Variants in MCTP1 observed in about 807,000 individuals in gnomAD.
MCTP1 encodes the protein multiple C2 and transmembrane domain-containing protein 1.
Under a neutral mutation model 120.6 loss-of-function variants are expected in MCTP1, and 69 were observed. The ratio of observed to expected loss-of-function variants is 0.57; its 90% CI spans 0.47 to 0.70. The LOEUF (loss-of-function observed/expected upper bound fraction) is 0.70. Ranked by LOEUF, MCTP1 falls within the 30% of genes least tolerant of loss-of-function variation. The pLI is 0.00. For missense variants in MCTP1, 1,203 were observed against 1,248.8 expected (o/e 0.96, Z 0.55); for synonymous variants, 529 against 493.1 (o/e 1.07, Z -0.96).
chr5:95,075,472 T>C (rs540704709), intron 1 of MCTP1, among the ~76,000 whole-genome samples: 1 of 152,308 alleles, frequency 6.6e-6, no homozygotes, highest in South Asian at 2.1e-4. Context: ...AATGTAAAAA[T>C]AATCTCTCAC....
chr5:94,751,043 T>C (rs1356468661), intron 19 of MCTP1, among the ~76,000 whole-genome samples: 1 of 152,128 alleles, frequency 6.6e-6, no homozygotes, highest in Non-Finnish European at 1.5e-5. Context: ...AGTCCCCATA[T>C]CTCTCCTATA....
chr5:94,999,438 T>C (rs991708035), intron 2 of MCTP1, among the ~76,000 whole-genome samples: 3 of 152,180 alleles, frequency 2.0e-5, no homozygotes, highest in African/African-American at 7.2e-5. Context: ...TCAAATCTTA[T>C]TAAAAAAATA....
At position 95,284,569 on chromosome 5, in the gene MCTP1, G is replaced by A. The variant is rs749256794; in HGVS notation, c.7C>T (p.Pro3Ser). The A allele has an allele frequency of 7.0e-7, 1 of 1,434,462 alleles. No individual in the cohort carries two copies. Among genetic ancestry groups the A allele is most frequent in the Non-Finnish European group, 9.0e-7 (1 of 1,107,190 alleles). The allele number at this position is 1,434,462 out of a possible 1,614,324, so 88.9% of individuals were successfully genotyped here. A position where few individuals can be genotyped will look rare whatever the true frequency, so the allele number is the denominator to read the frequency against. The change falls in exon 1 of 23, where the codon CCC becomes TCC. Residue 3 changes from proline to serine, a missense_variant. Around this residue, in one of 2 missense-constraint regions of MCTP1, gnomAD observed 463 missense variants for 377.8 expected, o/e 1.23. Coordinates refer to ENST00000515393, the MANE Select transcript of MCTP1 (RefSeq NM_024717.7). This position sits in a 1 kb window ranked among gnomAD's most constrained non-coding sequence, Gnocchi z 5.2. The part of the protein sequence containing the change: ME[P>S]RAAAAGEPEP... ...GGCTCGCCCGCCGCGGCAGCCCGGG[G>A]CTCCATCCTCCACCCCCTGCTCCTC...
chr5:94,980,801 GT>G (rs1312633556), intron 2 of MCTP1: 4 of 151,970 alleles, frequency 2.6e-5, no homozygotes, highest in Non-Finnish European at 5.9e-5. Flanking sequence ...GCAACTAAAA[GT>G]TTTTTTCGTT....
At position 94,934,725 on chromosome 5, in the gene MCTP1, C is replaced by T. The variant is rs912099904; in HGVS notation, c.1174-2734G>A. Among the ~76,000 whole-genome samples the T allele has an allele frequency of 1.7e-4, 22 of 130,214 alleles. 1 individual carries two copies. Among genetic ancestry groups the T allele is most frequent in the African/African-American group, 6.4e-4 (22 of 34,418 alleles). The allele number at this position is 130,214 out of a possible 152,430, so 85.4% of individuals were successfully genotyped here. ...ATTCTGAAGAATATCAAAACTAATC[C>T]AAGATAAAGAAGTTTTTTTTTTTTT... On this transcript the variant is annotated intron_variant, in intron 5 of 22. Transcript: ENST00000515393.
chr5:95,203,991 T>G (rs1751352980), intron 1 of MCTP1, among the ~76,000 whole-genome samples: 1 of 152,198 alleles, frequency 6.6e-6, no homozygotes, highest in African/African-American at 2.4e-5. Flanking sequence ...GTGGATCCAT[T>G]TGTACTTGGC....
At chr5:95,202,647 C>A (rs1751193211) in intron 1 of MCTP1, among the ~76,000 whole-genome samples, 1 of 152,106 alleles carries the variant, frequency 6.6e-6, no homozygotes, top group African/African-American at 2.4e-5. Flanking sequence ...AAATTAATTT[C>A]TCCTAAGTTT....
At position 95,158,730 on chromosome 5, in the gene MCTP1, A is replaced by T. The variant is rs1745392597; in HGVS notation, c.720+125126T>A. 2.0e-5 allele frequency among the ~76,000 whole-genome samples: 3 copies of T among 151,724 alleles called. No homozygotes were observed. In the South Asian group the frequency reaches 6.2e-4, roughly 32 times the overall value. On this transcript the variant is annotated intron_variant, in intron 1 of 22. Transcript: ENST00000515393. Reference sequence around the variant, plus strand: ...CACTTGACCTCACAAGTTCATGACCAGCCTGGGCAGCATGGTGAAACTCTG... The same window carrying T: ...CACTTGACCTCACAAGTTCATGACCTGCCTGGGCAGCATGGTGAAACTCTG...
chr5:95,115,339 A>G (rs1322774638), intron 1 of MCTP1, among the ~76,000 whole-genome samples: 1 of 152,166 alleles, frequency 6.6e-6, no homozygotes, highest in Non-Finnish European at 1.5e-5. Context: ...TCAGACAGAG[A>G]ATCAAAAATA....
intron 1 of MCTP1, among the ~76,000 whole-genome samples, chr5:95,221,112 A>T (rs946853823): frequency 6.6e-6 from 1 of 152,244 alleles, no homozygotes; most frequent in Non-Finnish European, 1.5e-5. Flanking sequence ...CAGGTAAAAA[A>T]CATGCCAGCC....
At chr5:94,952,686 A>C (rs1316598951) in intron 3 of MCTP1, among the ~76,000 whole-genome samples, 3 of 152,148 alleles carry the variant, frequency 2.0e-5, no homozygotes, top group Non-Finnish European at 4.4e-5. Context: ...GTAACTCCTC[A>C]AGTTCTTCTC....
intron 1 of MCTP1, among the ~76,000 whole-genome samples, chr5:95,135,050 G>GA (rs1018106529): frequency 7.6e-3 from 178 of 23,324 alleles, no homozygotes; most frequent in Middle Eastern, 0.023. Context: ...TTCCAGATCA[G>GA]AAAAAAAAAA....
In MCTP1 at chr5:95,002,790, G is replaced by T. The variant is rs142925427; in HGVS notation, c.838+14577C>A. 3.4e-3 allele frequency among the ~76,000 whole-genome samples: 525 copies of T among 152,278 alleles called. 2 individuals are homozygous for T. Among genetic ancestry groups the T allele is most frequent in the African/African-American group, 0.012 (511 of 41,556 alleles). Reference sequence around the variant, plus strand: ...TTGGGTTAATGCTGGAATGAGTTAAGACTTTGGGAGACTGTTGGAAGGGAA... The same window carrying T: ...TTGGGTTAATGCTGGAATGAGTTAATACTTTGGGAGACTGTTGGAAGGGAA... On this transcript the variant is annotated intron_variant, in intron 2 of 22. Transcript: ENST00000515393.
intron 18 of MCTP1, among the ~76,000 whole-genome samples, chr5:94,781,017 G>A (rs958730721): frequency 2.0e-5 from 3 of 152,090 alleles, no homozygotes; most frequent in Non-Finnish European, 4.4e-5. Context: ...TGGAAAAGAA[G>A]CTGCATTGGT....
At chr5:94,929,098 T>C (rs1185432949) in intron 6 of MCTP1, among the ~76,000 whole-genome samples, 1 of 152,138 alleles carries the variant, frequency 6.6e-6, no homozygotes, top group Non-Finnish European at 1.5e-5. Flanking sequence ...CATGAGCTGA[T>C]TCACATTGCA....
intron 1 of MCTP1, among the ~76,000 whole-genome samples, chr5:95,022,787 T>A (rs887930364): frequency 1.3e-5 from 2 of 152,110 alleles, no homozygotes; most frequent in African/African-American, 4.8e-5. Context: ...CATTACCAAC[T>A]GATAAAAATT....
At chr5:95,163,836 G>GA (rs1192575260) in intron 1 of MCTP1, among the ~76,000 whole-genome samples, 1 of 152,084 alleles carries the variant, frequency 6.6e-6, no homozygotes, top group African/African-American at 2.4e-5. Flanking sequence ...TTCTGTAAAA[G>GA]AAAAAATTTA....
intron 1 of MCTP1, among the ~76,000 whole-genome samples, chr5:95,112,934 T>C (rs1454400316): frequency 6.6e-6 from 1 of 152,216 alleles, no homozygotes; most frequent in Non-Finnish European, 1.5e-5. Context: ...TTATATACTT[T>C]TAAAAGTATA....
At chr5:94,734,744 A>C (rs1363027695) in intron 19 of MCTP1, among the ~76,000 whole-genome samples, 1 of 152,198 alleles carries the variant, frequency 6.6e-6, no homozygotes, top group Non-Finnish European at 1.5e-5. Context: ...GATGTGAGTG[A>C]GGCATCATGC....
Sources: allele counts gnomAD v4.1 joint callset (sites outside exome capture counted in the v4.1 genomes callset), GRCh38; gene constraint gnomAD v4.1.1; regional missense constraint gnomAD v4.1.1; non-coding constraint Gnocchi (gnomAD v3.1); transcripts MANE v1.5; gene names NCBI Gene and HGNC (gene_info 2026-07-23, HGNC 2026-07-21).